TMEM135: variants seen among roughly 807,000 people sequenced by gnomAD.
TMEM135 encodes the protein transmembrane protein 135.
Under a neutral mutation model 60.3 loss-of-function variants are expected in TMEM135, and 30 were observed. The observed-to-expected ratio is 0.50, with a 90% CI of 0.37 to 0.68. TMEM135 has a LOEUF of 0.68. Among genes scored for constraint, TMEM135 ranks in the 30% least tolerant of loss-of-function variants. The probability of loss-of-function intolerance (pLI) is 0.00; values close to 1 mark genes in which losing one functional copy is unlikely to be tolerated. For missense variants in TMEM135, 468 were observed against 548.8 expected (o/e 0.85, Z 1.47); for synonymous variants, 190 against 186.7 (o/e 1.02, Z -0.14).
intron 6 of TMEM135, among the ~76,000 whole-genome samples, chr11:87,253,136 A>G (rs1054912553): frequency 4.6e-5 from 7 of 152,086 alleles, no homozygotes; most frequent in African/African-American, 1.7e-4. Context: ...TAGCCTGCTC[A>G]TTTGTTGAGT....
chr11:87,188,105 T>A (rs1206987306), intron 5 of TMEM135, among the ~76,000 whole-genome samples: 1 of 152,182 alleles, frequency 6.6e-6, no homozygotes, highest in African/African-American at 2.4e-5. Context: ...CCCTTTGTTG[T>A]GATGGTGAAG....
At chr11:87,116,325 A>G (rs1243773757) in intron 4 of TMEM135, among the ~76,000 whole-genome samples, 2 of 152,314 alleles carry the variant, frequency 1.3e-5, no homozygotes, top group African/African-American at 4.8e-5. Flanking sequence ...TGTGCTTTCC[A>G]ACATATGGCT....
intron 1 of TMEM135, among the ~76,000 whole-genome samples, chr11:87,039,067 A>G (rs56028118): frequency 0.15 from 22,490 of 152,148 alleles, 1,742 homozygotes; most frequent in Non-Finnish European, 0.17. Flanking sequence ...GACAGATCAT[A>G]TTTTTTGTAT....
chr11:87,208,292 G>A lies in TMEM135; in HGVS notation c.463-28346G>A, dbSNP rs541020021. On this transcript the variant is annotated intron_variant, in intron 5 of 14. Coordinates refer to ENST00000305494, the MANE Select transcript of TMEM135 (RefSeq NM_022918.4). Reference sequence around the variant, plus strand: ...CAAGGAAGCTCATCAGGTTACAAGAGTTGATTGAGACCCACTCCAAGGAAA... The same window carrying A: ...CAAGGAAGCTCATCAGGTTACAAGAATTGATTGAGACCCACTCCAAGGAAA... Among the ~76,000 whole-genome samples the A allele has an allele frequency of 2.0e-5, 3 of 152,306 alleles. No homozygotes were observed. In the East Asian group the frequency reaches 5.8e-4, roughly 29 times the overall value.
At chr11:87,121,246 T>G (rs1171668883) in intron 4 of TMEM135, 2 of 152,200 alleles carry the variant, frequency 1.3e-5, no homozygotes, top group Admixed American at 6.5e-5. Context: ...CTTTCTTTGT[T>G]CATTTATTTA....
chr11:87,122,267 G>A (rs1199625278), intron 4 of TMEM135, among the ~76,000 whole-genome samples: 2 of 146,522 alleles, frequency 1.4e-5, no homozygotes, highest in African/African-American at 5.0e-5. Context: ...ATTTCGCAAA[G>A]ACAACAGACT....
intron 6 of TMEM135, among the ~76,000 whole-genome samples, chr11:87,262,846 A>G (rs1056815787): frequency 2.0e-5 from 3 of 152,126 alleles, no homozygotes; most frequent in Admixed American, 2.0e-4. Context: ...AAAATATTGG[A>G]TACATGTATA....
intron 3 of TMEM135, among the ~76,000 whole-genome samples, chr11:87,074,484 A>G (rs888014771): frequency 2.0e-5 from 3 of 152,220 alleles, no homozygotes; most frequent in Non-Finnish European, 4.4e-5. Flanking sequence ...ACATTAAACT[A>G]AAGATGCTTT....
At chr11:87,318,874 CTT>C (rs71470739) in intron 13 of TMEM135, among the ~76,000 whole-genome samples, 10 of 134,254 alleles carry the variant, frequency 7.4e-5, no homozygotes, top group Admixed American at 7.5e-5. Context: ...TTTTTTTTTT[CTT>C]TTTTTTTTTT....
At chr11:87,260,060 T>G (rs184355884) in intron 6 of TMEM135, among the ~76,000 whole-genome samples, 1 of 152,340 alleles carries the variant, frequency 6.6e-6, no homozygotes, top group Admixed American at 6.5e-5. Flanking sequence ...TCTCAAATGC[T>G]TTCTAAAGTG....
At chr11:87,159,303 T>C (rs1938795771) in intron 5 of TMEM135, among the ~76,000 whole-genome samples, 1 of 152,210 alleles carries the variant, frequency 6.6e-6, no homozygotes, top group Non-Finnish European at 1.5e-5. Context: ...TGTCTTCTAA[T>C]TAATGGCACC....
intron 5 of TMEM135, among the ~76,000 whole-genome samples, chr11:87,165,840 C>T: frequency 7.6e-6 from 1 of 131,282 alleles, no homozygotes; most frequent in Non-Finnish European, 1.6e-5. Flanking sequence ...TGATAGACCG[C>T]TAGTAAGACT....
chr11:87,067,587 T>C, intron 1 of TMEM135, 107 bp from the exon 2 acceptor site: 1 of 1,461,204 alleles, frequency 6.8e-7, no homozygotes, highest in Admixed American at 1.9e-5. Context: ...GCCAGCATTT[T>C]TACTTTAACT....
At chr11:87,039,145 A>G (rs1157019175) in intron 1 of TMEM135, among the ~76,000 whole-genome samples, 1 of 152,214 alleles carries the variant, frequency 6.6e-6, no homozygotes, top group Non-Finnish European at 1.5e-5. Context: ...ATTTAGATTT[A>G]TACCCTAATG....
At chr11:87,320,553 G>A (rs1348612637) in intron 14 of TMEM135, among the ~76,000 whole-genome samples, 2 of 152,176 alleles carry the variant, frequency 1.3e-5, no homozygotes, top group Admixed American at 6.5e-5. Flanking sequence ...GGAAATGCTT[G>A]TGAATAAGCA....
intron 5 of TMEM135, among the ~76,000 whole-genome samples, chr11:87,223,310 G>T (rs1466291161): frequency 6.6e-6 from 1 of 151,618 alleles, no homozygotes; most frequent in Non-Finnish European, 1.5e-5. Context: ...GACTACAGGC[G>T]CCAGCCACCA....
chr11:87,227,946 G>T (rs868577388), intron 5 of TMEM135, among the ~76,000 whole-genome samples: 1 of 152,106 alleles, frequency 6.6e-6, no homozygotes, highest in Non-Finnish European at 1.5e-5. Context: ...TATCAATAAC[G>T]TATCTACGTA....
chr11:87,101,779 A>T (rs1356328495), intron 4 of TMEM135, among the ~76,000 whole-genome samples: 1 of 152,174 alleles, frequency 6.6e-6, no homozygotes, highest in East Asian at 1.9e-4. Flanking sequence ...GTTCGAGACC[A>T]GCCTGACCAA....
At chr11:87,113,341 T>A (rs12289430) in intron 4 of TMEM135, among the ~76,000 whole-genome samples, 13,774 of 152,108 alleles carry the variant, frequency 0.091, 675 homozygotes, top group Non-Finnish European at 0.1. Flanking sequence ...ACCTTTTCTC[T>A]AAAATGCACC....
Sources: gnomAD v4.1 joint callset for allele counts (sites outside exome capture counted in the v4.1 genomes callset) on GRCh38, gnomAD v4.1.1 for gene constraint, MANE v1.5 for transcripts, NCBI Gene and HGNC (gene_info 2026-07-23, HGNC 2026-07-21) for gene names.